Variants in RNF19B observed in about 807,000 individuals in gnomAD.
The protein encoded by RNF19B is ring finger protein 19B.
Under a neutral mutation model 65.5 loss-of-function variants are expected in RNF19B, and 23 were observed. That is an observed-to-expected ratio of 0.35 (90% CI 0.25 to 0.50). RNF19B has a LOEUF of 0.50. Ranked by LOEUF, RNF19B falls within the 20% of genes least tolerant of loss-of-function variation. RNF19B has a pLI of 0.98. For missense variants in RNF19B, 794 were observed against 980.0 expected (o/e 0.81, Z 2.53); for synonymous variants, 372 against 379.6 (o/e 0.98, Z 0.23).
At chr1:32,946,674 G>T in intron 3 of RNF19B, 110 bp from the exon 4 acceptor site, 1 of 947,988 alleles carries the variant, frequency 1.1e-6, no homozygotes, top group Non-Finnish European at 1.5e-6. Context: ...TAACAGAAGA[G>T]TTTATGGGAA....
chr1:32,936,169 T>A (rs915766034), downstream of RNF19B, among the ~76,000 whole-genome samples: 1 of 152,212 alleles, frequency 6.6e-6, no homozygotes, highest in Non-Finnish European at 1.5e-5. Flanking sequence ...GCACAGTTGC[T>A]TCTAGAGGGC....
intron 5 of RNF19B, among the ~76,000 whole-genome samples, chr1:32,944,482 C>T (rs1193565944): frequency 1.3e-5 from 2 of 152,160 alleles, no homozygotes. Flanking sequence ...CTAATCACTG[C>T]TGAAATGCTA....
chr1:32,949,493 A>G, intron 2 of RNF19B, 76 bp downstream of exon 2: 1 of 1,278,924 alleles, frequency 7.8e-7, no homozygotes. Flanking sequence ...TTATACAATA[A>G]GATAATTTCT....
rs1642867915 is a variant in RNF19B, at chr1:32,964,723, C to T, written c.-38G>A. On this transcript the variant is annotated 5_prime_UTR_variant, in exon 1 of 9. Transcript: ENST00000235150. This position sits in a 1 kb window ranked among gnomAD's most constrained non-coding sequence, Gnocchi z 6.5. ...CCGAGGAGCCAGGGGCGCCCAGCGCCGCCACAGCTCCCGCCTCAGCGCCCC... is the reference window on the plus strand; with the variant it reads ...CCGAGGAGCCAGGGGCGCCCAGCGCTGCCACAGCTCCCGCCTCAGCGCCCC... The T allele has an allele frequency of 7.3e-7, 1 of 1,378,430 alleles. No homozygotes were observed. 85.4% of individuals were successfully genotyped at this position (1,378,430 alleles called of 1,614,324 possible).
chr1:32,942,029 G>A (rs1276212045), intron 7 of RNF19B, among the ~76,000 whole-genome samples: 2 of 152,040 alleles, frequency 1.3e-5, no homozygotes, highest in African/African-American at 2.4e-5. Flanking sequence ...CCCAGGAGGC[G>A]GAGCTTGCAG....
chr1:32,959,356 A>AC (rs1642716353), intron 1 of RNF19B, among the ~76,000 whole-genome samples: 1 of 152,186 alleles, frequency 6.6e-6, no homozygotes, highest in Admixed American at 6.5e-5. Context: ...TACTTTGCTC[A>AC]CCCGTCAGTC....
chr1:32,964,272 CGG>C lies in RNF19B; in HGVS notation c.412_413del (p.Pro138AlafsTer91). 1 of 1,536,260 alleles carries C rather than the reference CGG, an allele frequency of 6.5e-7. No individual in the cohort carries two copies. The highest frequency in any genetic ancestry group is 8.7e-7 in the Non-Finnish European group (1 of 1,143,158). ...PERAPRLLSC[P>X]HRSCRDCLRH... Reference sequence around the variant, plus strand: ...GGAGGCAGTCCCGGCACGAGCGGTGCGGACAGCTGAGGAGGCGCGGGGCCCGC... The same window carrying C: ...GGAGGCAGTCCCGGCACGAGCGGTGCACAGCTGAGGAGGCGCGGGGCCCGC... On this transcript the variant is annotated frameshift_variant, in exon 1 of 9. Coordinates refer to ENST00000235150, the MANE Select transcript of RNF19B (RefSeq NM_001300826.2). LOFTEE classifies it high-confidence loss of function. This position sits in a 1 kb window ranked among gnomAD's most constrained non-coding sequence, Gnocchi z 6.5.
downstream of RNF19B, among the ~76,000 whole-genome samples, chr1:32,934,155 G>C (rs1359368528): frequency 1.3e-5 from 2 of 152,156 alleles, no homozygotes. Flanking sequence ...CCTGTCCTAG[G>C]TGCAGGGAAA....
At chr1:32,950,757 A>C (rs181962480) in intron 1 of RNF19B, among the ~76,000 whole-genome samples, 1 of 152,052 alleles carries the variant, frequency 6.6e-6, no homozygotes, top group East Asian at 1.9e-4. Flanking sequence ...GGCTGGTCGC[A>C]AACTTCCGGG....
At chr1:32,937,319 A>G (rs766940161) in intron 8 of RNF19B, 60 bp from the exon 9 acceptor site, 83 of 1,608,302 alleles carry the variant, frequency 5.2e-5, no homozygotes, top group Non-Finnish European at 6.8e-5. Context: ...CCTGTTGGTA[A>G]AAGCAGTTCA....
chr1:32,955,847 T>C (rs1642626457), intron 1 of RNF19B, among the ~76,000 whole-genome samples: 3 of 152,100 alleles, frequency 2.0e-5, no homozygotes, highest in African/African-American at 7.2e-5. Flanking sequence ...CTGGTGCATC[T>C]CTCCTACTCT....
At chr1:32,961,074 T>G (rs939060589) in intron 1 of RNF19B, among the ~76,000 whole-genome samples, 1 of 152,206 alleles carries the variant, frequency 6.6e-6, no homozygotes, top group African/African-American at 2.4e-5. Flanking sequence ...AGGCATCTAT[T>G]TGGCAACTAA....
chr1:32,943,922 A>C, intron 6 of RNF19B, 97 bp downstream of exon 6: 1 of 1,232,134 alleles, frequency 8.1e-7, no homozygotes, highest in Non-Finnish European at 1.1e-6. Context: ...TATCCAAAGT[A>C]ATCCAATGAC....
At chr1:32,955,344 C>T (rs1642609878) in intron 1 of RNF19B, among the ~76,000 whole-genome samples, 1 of 152,020 alleles carries the variant, frequency 6.6e-6, no homozygotes, top group East Asian at 1.9e-4. Flanking sequence ...ATGCCAGGTA[C>T]TATAACCTAA....
intron 1 of RNF19B, among the ~76,000 whole-genome samples, chr1:32,954,362 G>A (rs1642584430): frequency 1.3e-5 from 2 of 151,768 alleles, no homozygotes; most frequent in African/African-American, 4.8e-5. Flanking sequence ...ATTACTCAGG[G>A]CACGAGATTT....
intron 1 of RNF19B, among the ~76,000 whole-genome samples, chr1:32,958,719 A>T (rs1427724259): frequency 7.2e-6 from 1 of 139,832 alleles, no homozygotes; most frequent in Admixed American, 7.1e-5. Context: ...GACTCCATCT[A>T]AAAAAAAAAA....
rs1255567904 is a variant in RNF19B, at chr1:32,942,393, C to T, written c.1469G>A (p.Ser490Asn). The change falls in exon 7 of 9, where the codon AGT becomes AAT. Residue 490 changes from serine (S) to asparagine (N), a missense_variant. This residue lies in a region of RNF19B where 368 missense variants were observed against 447.3 expected (regional missense o/e 0.82). Coordinates refer to ENST00000235150, the MANE Select transcript of RNF19B (RefSeq NM_001300826.2). ...IGESSIEGLT[S>N]VLSTSGSPTD... ...AGGGCTTCCACTAGTGCTCAATACA[C>T]TAGTCAGGCCTTCAATGCTGCTTTC... 1 of 1,614,214 alleles carries T rather than the reference C, an allele frequency of 6.2e-7. No individual in the cohort carries two copies. Among genetic ancestry groups the T allele is most frequent in the Admixed American group, 1.7e-5 (1 of 60,028 alleles).
chr1:32,964,425 CT>C lies in RNF19B; in HGVS notation c.260del (p.Glu87GlyfsTer68). 8.3e-7 allele frequency: 1 copy of C among 1,201,922 alleles called. No homozygotes were observed. Among genetic ancestry groups the C allele is most frequent in the Non-Finnish European group, 1.0e-6 (1 of 971,254 alleles). The allele number at this position is 1,201,922 out of a possible 1,614,324, so 74.5% of individuals were successfully genotyped here. A position where few individuals can be genotyped will look rare whatever the true frequency, so the allele number is the denominator to read the frequency against. ...CCGCCGCCGCGGCCTCCGCCTCGGC[CT>C]CGGCGGCCGGCTCGGCGGGCAGCGC... ...PEALPAEPAA[E>X]AEAEAAAAAA... is the part of the protein sequence containing the mutation. On this transcript the variant is annotated frameshift_variant, in exon 1 of 9. Coordinates refer to ENST00000235150, the MANE Select transcript of RNF19B (RefSeq NM_001300826.2). LOFTEE classifies it high-confidence loss of function. This position sits in a 1 kb window ranked among gnomAD's most constrained non-coding sequence, Gnocchi z 6.5.
chr1:32,940,764 T>C (rs999777715), intron 7 of RNF19B, among the ~76,000 whole-genome samples: 1 of 152,192 alleles, frequency 6.6e-6, no homozygotes, highest in Non-Finnish European at 1.5e-5. Flanking sequence ...TCAGGCAACA[T>C]GTTATGCTCC....
Sources: gnomAD v4.1 joint callset for allele counts (sites outside exome capture counted in the v4.1 genomes callset) on GRCh38, gnomAD v4.1.1 for gene constraint, gnomAD v4.1.1 regional missense constraint, Gnocchi (gnomAD v3.1) non-coding constraint, MANE v1.5 for transcripts, NCBI Gene and HGNC (gene_info 2026-07-23, HGNC 2026-07-21) for gene names.